ARFIP1: variants seen among roughly 807,000 people sequenced by gnomAD.
ARFIP1 encodes arfaptin-1.
A neutral mutation model predicts 42.5 loss-of-function variants in ARFIP1; 24 were observed. The observed-to-expected ratio is 0.57, with a 90% confidence interval of 0.41 to 0.80. ARFIP1 has a LOEUF of 0.80. Among genes scored for constraint, ARFIP1 ranks in the 30% least tolerant of loss-of-function variants. The pLI, the probability that ARFIP1 is intolerant of heterozygous loss-of-function variation, is 0.00. For missense variants in ARFIP1, 354 were observed against 434.0 expected (o/e 0.82, Z 1.64); for synonymous variants, 141 against 153.7 (o/e 0.92, Z 0.61).
chr4:152,881,246 G>C (rs1335386600), intron 6 of ARFIP1, 62 bp downstream of exon 6: 2 of 1,288,700 alleles, frequency 1.6e-6, no homozygotes, highest in Admixed American at 2.1e-5. Context: ...TATTCTAAGA[G>C]GTAATTTGTT....
intron 8 of ARFIP1, among the ~76,000 whole-genome samples, chr4:152,895,679 G>A (rs1737259578): frequency 1.3e-5 from 2 of 149,976 alleles, no homozygotes; most frequent in African/African-American, 2.5e-5. Context: ...TCCCACCTCA[G>A]GCTTTAGAGT....
intron 8 of ARFIP1, among the ~76,000 whole-genome samples, chr4:152,894,297 G>A (rs1737123651): frequency 1.3e-5 from 2 of 151,724 alleles, no homozygotes; most frequent in Non-Finnish European, 2.9e-5. Flanking sequence ...TTTGAGGGCA[G>A]AAGTATTCTT....
chr4:152,819,438 C>T (rs988295830), intron 1 of ARFIP1, among the ~76,000 whole-genome samples: 1 of 152,138 alleles, frequency 6.6e-6, no homozygotes, highest in African/African-American at 2.4e-5. Context: ...CCACCCCCAT[C>T]GGAGCTGCTG....
chr4:152,801,125 G>A (rs1346455930), intron 1 of ARFIP1, among the ~76,000 whole-genome samples: 1 of 152,170 alleles, frequency 6.6e-6, no homozygotes, highest in Non-Finnish European at 1.5e-5. Flanking sequence ...GAGGGAGACA[G>A]ACCATGTTAA....
At chr4:152,806,521 A>T (rs1259416236) in intron 1 of ARFIP1, among the ~76,000 whole-genome samples, 1 of 152,198 alleles carries the variant, frequency 6.6e-6, no homozygotes, top group Non-Finnish European at 1.5e-5. Flanking sequence ...CAAAATCAAC[A>T]GTTTATTGAG....
chr4:152,803,347 A>G lies in ARFIP1; in HGVS notation c.-10+23121A>G, dbSNP rs77554603. Among the ~76,000 whole-genome samples, 404 of 152,318 alleles carry G rather than the reference A, an allele frequency of 2.7e-3. 6 individuals carry two copies. Among genetic ancestry groups the G allele is most frequent in the East Asian group, 0.013 (65 of 5,190 alleles). On this transcript the variant is annotated intron_variant, in intron 1 of 8. Coordinates refer to ENST00000353617, the MANE Select transcript of ARFIP1 (RefSeq NM_001025595.3). ...CCTGCCAATCTAAGAGGCAATTTATAGCATCAGGCAATTTACAGAATTTCT... is the reference window on the plus strand; with the variant it reads ...CCTGCCAATCTAAGAGGCAATTTATGGCATCAGGCAATTTACAGAATTTCT...
rs150630963 is a variant in ARFIP1 at position 152,839,411 on chromosome 4, G to A, written c.93+9685G>A. Among the ~76,000 whole-genome samples the A allele has an allele frequency of 5.1e-3, 776 of 152,052 alleles. 7 individuals are homozygous for A. The highest frequency in any genetic ancestry group is 0.018 in the African/African-American group (745 of 41,478). Reference sequence around the variant, plus strand: ...TTCTGCTGTGAATCTCTCTGGTCCTGGACTTTTTTTGTTGGTAATTTTAAA... The same window carrying A: ...TTCTGCTGTGAATCTCTCTGGTCCTAGACTTTTTTTGTTGGTAATTTTAAA... On this transcript the variant is annotated intron_variant, in intron 2 of 8. Transcript: ENST00000353617.
intron 3 of ARFIP1, among the ~76,000 whole-genome samples, chr4:152,868,468 G>A (rs1003114229): frequency 1.3e-5 from 2 of 152,080 alleles, no homozygotes; most frequent in African/African-American, 4.8e-5. Flanking sequence ...TGTTTAAAGG[G>A]TTAAAGTATT....
chr4:152,866,426 C>T (rs1054035749), intron 3 of ARFIP1, among the ~76,000 whole-genome samples: 5 of 152,148 alleles, frequency 3.3e-5, no homozygotes, highest in East Asian at 1.9e-4. Context: ...AGGGGCTCCT[C>T]ACTTCCCAGT....
intron 1 of ARFIP1, among the ~76,000 whole-genome samples, chr4:152,794,673 A>C (rs1731331030): frequency 6.6e-6 from 1 of 152,150 alleles, no homozygotes; most frequent in South Asian, 2.1e-4. Flanking sequence ...TCTTGTCTGC[A>C]GTATTTGTGA....
At position 152,827,192 on chromosome 4, in the gene ARFIP1, A is replaced by G. The variant is rs1436167267; in HGVS notation, c.-9-2433A>G. On this transcript the variant is annotated intron_variant, in intron 1 of 8. Coordinates refer to ENST00000353617, the MANE Select transcript of ARFIP1 (RefSeq NM_001025595.3). ...GTTTTTTACAATAATTTTTAAAAAT[A>G]ATCTAGGAACAATTCTTTCATAAGG... is the stretch of plus-strand genomic sequence containing the variant. 1.3e-5 allele frequency among the ~76,000 whole-genome samples: 2 copies of G among 152,226 alleles called. 1 individual carries two copies. Among genetic ancestry groups the G allele is most frequent in the African/African-American group, 4.8e-5 (2 of 41,466 alleles).
intron 1 of ARFIP1, among the ~76,000 whole-genome samples, chr4:152,815,636 T>C (rs1729804770): frequency 6.6e-6 from 1 of 152,202 alleles, no homozygotes; most frequent in South Asian, 2.1e-4. Context: ...GCCAAAACTC[T>C]TGAGAGTTAT....
At chr4:152,894,301 T>C (rs1238055409) in intron 8 of ARFIP1, among the ~76,000 whole-genome samples, 1 of 152,040 alleles carries the variant, frequency 6.6e-6, no homozygotes, top group African/African-American at 2.4e-5. Context: ...AGGGCAGAAG[T>C]ATTCTTTGCT....
intron 2 of ARFIP1, among the ~76,000 whole-genome samples, chr4:152,847,177 G>A (rs1360522269): frequency 8.6e-6 from 1 of 116,730 alleles, no homozygotes; most frequent in African/African-American, 3.3e-5. Flanking sequence ...GTCGCCCCCA[G>A]GCCGGAGTGC....
At chr4:152,849,983 G>A (rs185935315) in intron 2 of ARFIP1, among the ~76,000 whole-genome samples, 1 of 152,194 alleles carries the variant, frequency 6.6e-6, no homozygotes, top group African/African-American at 2.4e-5. Context: ...TCTTTTATCT[G>A]CCCTGACACT....
At chr4:152,852,393 G>T (rs1456169520) in intron 2 of ARFIP1, among the ~76,000 whole-genome samples, 1 of 152,152 alleles carries the variant, frequency 6.6e-6, no homozygotes, top group African/African-American at 2.4e-5. Flanking sequence ...CACTTTGGGA[G>T]GCTGAGGCGG....
At chr4:152,807,036 G>A (rs559055293) in intron 1 of ARFIP1, among the ~76,000 whole-genome samples, 17 of 152,104 alleles carry the variant, frequency 1.1e-4, no homozygotes, top group African/African-American at 3.9e-4. Context: ...AGAGCATCTC[G>A]CTATGTTGCC....
chr4:152,875,930 G>C (rs557364323), intron 5 of ARFIP1, among the ~76,000 whole-genome samples: 1 of 152,148 alleles, frequency 6.6e-6, no homozygotes, highest in African/African-American at 2.4e-5. Context: ...GGGTTTATCA[G>C]GGGTTTCTGC....
At chr4:152,848,408 T>C (rs1732730983) in intron 2 of ARFIP1, among the ~76,000 whole-genome samples, 1 of 152,240 alleles carries the variant, frequency 6.6e-6, no homozygotes, top group Admixed American at 6.5e-5. Context: ...GGAAGAGATA[T>C]TGTAATCTTA....
Sources: allele counts gnomAD v4.1 joint callset (sites outside exome capture counted in the v4.1 genomes callset), GRCh38; gene constraint gnomAD v4.1.1; transcripts MANE v1.5; gene names NCBI Gene and HGNC (gene_info 2026-07-23, HGNC 2026-07-21).